Variants in MDGA2 observed in about 807,000 individuals in gnomAD.
MDGA2 encodes MAM domain-containing glycosylphosphatidylinositol anchor protein 2.
A neutral mutation model predicts 117.8 loss-of-function variants in MDGA2; 40 were observed. That is an observed-to-expected ratio of 0.34 (90% confidence interval 0.26 to 0.44). MDGA2 has a LOEUF of 0.44. Among genes scored for constraint, MDGA2 ranks in the 20% least tolerant of loss-of-function variants. MDGA2 has a pLI of 1.00. For synonymous variants in MDGA2, 452 were observed against 439.0 expected, an observed-to-expected ratio of 1.03 and a Z score of -0.37; for missense variants, 1,123 against 1,250.6, an observed-to-expected ratio of 0.90 and a Z score of 1.54.
At chr14:47,523,167 A>T (rs773042506) in intron 1 of MDGA2, among the ~76,000 whole-genome samples, 1 of 152,164 alleles carries the variant, frequency 6.6e-6, no homozygotes, top group African/African-American at 2.4e-5. Flanking sequence ...CAAAGGCCAA[A>T]AAGGACGAAA....
chr14:46,959,002 A>G (rs1050817462), intron 8 of MDGA2, among the ~76,000 whole-genome samples: 2 of 152,192 alleles, frequency 1.3e-5, no homozygotes, highest in East Asian at 3.9e-4. Context: ...TTGTTTATTC[A>G]TTTATTTTTT....
At chr14:47,545,473 C>T (rs1310876514) in intron 1 of MDGA2, among the ~76,000 whole-genome samples, 1 of 151,830 alleles carries the variant, frequency 6.6e-6, no homozygotes, top group Non-Finnish European at 1.5e-5. Context: ...CTTTATTTCT[C>T]AAAAAAGAAC....
At chr14:47,179,633 T>C (rs1251086379) in intron 3 of MDGA2, among the ~76,000 whole-genome samples, 1 of 152,034 alleles carries the variant, frequency 6.6e-6, no homozygotes, top group African/African-American at 2.4e-5. Flanking sequence ...GGAGATTTAA[T>C]TATATACACA....
chr14:46,845,240 C>A (rs1422726697), intron 16 of MDGA2, among the ~76,000 whole-genome samples: 1 of 152,142 alleles, frequency 6.6e-6, no homozygotes, highest in Admixed American at 6.5e-5. Flanking sequence ...TCCTTGCTGC[C>A]TTGTGAAGAA....
chr14:47,000,436 T>TATTTATATATATAC (rs1396840936), intron 8 of MDGA2, among the ~76,000 whole-genome samples: 12 of 141,746 alleles, frequency 8.5e-5, no homozygotes, highest in East Asian at 2.0e-4. Context: ...TAAATATATA[T>TATTTATATATATAC]ACATATAAAT....
At chr14:47,149,720 C>T (rs1241263222) in intron 3 of MDGA2, among the ~76,000 whole-genome samples, 1 of 152,198 alleles carries the variant, frequency 6.6e-6, no homozygotes, top group African/African-American at 2.4e-5. Flanking sequence ...AAGAGCCATC[C>T]TAGCAGTGTA....
intron 1 of MDGA2, among the ~76,000 whole-genome samples, chr14:47,556,074 A>AC (rs1242834730): frequency 1.3e-5 from 2 of 152,000 alleles, no homozygotes; most frequent in Admixed American, 6.6e-5. Flanking sequence ...CAGACACCTG[A>AC]CCCCCAGTTC....
chr14:47,475,176 C>T (rs1893811576), intron 1 of MDGA2, among the ~76,000 whole-genome samples: 1 of 152,146 alleles, frequency 6.6e-6, no homozygotes. Context: ...AGGACATGCA[C>T]AGACACTTCT....
chr14:47,394,540 A>G lies in MDGA2; in HGVS notation c.281-92990T>C, dbSNP rs187099661. Among the ~76,000 whole-genome samples, 54 of 152,300 alleles carry G rather than the reference A, an allele frequency of 3.5e-4. No individual in the cohort carries two copies. In the East Asian group the frequency reaches 9.3e-3, roughly 26 times the overall value. On this transcript the variant is annotated intron_variant, in intron 1 of 16. Transcript: ENST00000399232. ...AGTCTTAAGTTTAAACAAGCCAGAG[A>G]GACTACTGTATTGCTTTCTGAATGA... is the stretch of plus-strand genomic sequence containing the variant.
At chr14:47,276,547 G>C (rs763462257) in intron 2 of MDGA2, among the ~76,000 whole-genome samples, 19 of 152,154 alleles carry the variant, frequency 1.2e-4, no homozygotes, top group Middle Eastern at 6.8e-3. Context: ...TTTATTCTAA[G>C]TAAAAAGAGA....
chr14:47,582,753 A>T (rs1166062652), intron 1 of MDGA2, among the ~76,000 whole-genome samples: 1 of 151,936 alleles, frequency 6.6e-6, no homozygotes, highest in Non-Finnish European at 1.5e-5. Context: ...CAAAGGAAGC[A>T]GCAGTTTTCC....
At chr14:47,232,240 T>A (rs1886716317) in intron 2 of MDGA2, among the ~76,000 whole-genome samples, 1 of 152,060 alleles carries the variant, frequency 6.6e-6, no homozygotes, top group Non-Finnish European at 1.5e-5. Context: ...GTATACATAG[T>A]CAAGAAACAG....
intron 9 of MDGA2, among the ~76,000 whole-genome samples, chr14:46,952,017 T>G (rs1595064772): frequency 6.6e-6 from 1 of 151,908 alleles, no homozygotes; most frequent in South Asian, 2.1e-4. Context: ...TCCGTGGCTC[T>G]GAAAAAGGGA....
At chr14:47,176,052 T>A (rs1884429671) in intron 3 of MDGA2, among the ~76,000 whole-genome samples, 1 of 152,180 alleles carries the variant, frequency 6.6e-6, no homozygotes, top group Non-Finnish European at 1.5e-5. Context: ...CATTCACAAT[T>A]GCTTCAAAGA....
chr14:47,155,096 A>G (rs1883313739), intron 3 of MDGA2, among the ~76,000 whole-genome samples: 3 of 151,950 alleles, frequency 2.0e-5, no homozygotes, highest in Non-Finnish European at 4.4e-5. Flanking sequence ...AGAGCTGTAC[A>G]CTCATCATGA....
intron 2 of MDGA2, among the ~76,000 whole-genome samples, chr14:47,261,735 T>C (rs543805177): frequency 2.0e-5 from 3 of 152,288 alleles, no homozygotes; most frequent in Non-Finnish European, 4.4e-5. Context: ...GTGCTCACCA[T>C]GCCCAGATGA....
In MDGA2 at chr14:47,675,437, G is replaced by C. The variant is rs1345993444; in HGVS notation, c.-641C>G. On this transcript the variant is annotated 5_prime_UTR_variant, in exon 1 of 17. Coordinates refer to ENST00000399232, the MANE Select transcript of MDGA2 (RefSeq NM_001113498.3). Reference sequence around the variant, plus strand: ...AGGAGGAAAGGGTCCAACAGGGAGCGGAGTGTGCGTCTGGAGCTCGCTTGG... The same window carrying C: ...AGGAGGAAAGGGTCCAACAGGGAGCCGAGTGTGCGTCTGGAGCTCGCTTGG... Among the ~76,000 whole-genome samples, 2 of 152,020 alleles carry C rather than the reference G, an allele frequency of 1.3e-5. No homozygotes were observed. Among genetic ancestry groups the C allele is most frequent in the South Asian group, 4.1e-4 (2 of 4,830 alleles).
Position 47,563,375 on chromosome 14 carries a change from T to A in MDGA2, c.280+111142A>T, listed in dbSNP as rs1344795260. On this transcript the variant is annotated intron_variant, in intron 1 of 16. Coordinates refer to ENST00000399232, the MANE Select transcript of MDGA2 (RefSeq NM_001113498.3). ...CTATTATTTTGTAGTGACCTAAGTA[T>A]CTTCATAGGTTTCTAAGAACTTGCT... is the stretch of plus-strand genomic sequence containing the variant. Among the ~76,000 whole-genome samples the A allele has an allele frequency of 2.6e-5, 4 of 152,130 alleles. No homozygotes were observed. The East Asian group carries it at 7.7e-4, about 29-fold the overall frequency.
At chr14:47,522,801 C>T (rs1594898481) in intron 1 of MDGA2, among the ~76,000 whole-genome samples, 1 of 152,156 alleles carries the variant, frequency 6.6e-6, no homozygotes. Context: ...CATTAAGATG[C>T]CAGAATTTCA....
Sources: gnomAD v4.1 joint callset for allele counts (sites outside exome capture counted in the v4.1 genomes callset) on GRCh38, gnomAD v4.1.1 for gene constraint, MANE v1.5 for transcripts, NCBI Gene and HGNC (gene_info 2026-07-23, HGNC 2026-07-21) for gene names.